The following GALNT13 variants were observed in gnomAD, a reference collection of about 807,000 sequenced individuals.
The protein encoded by GALNT13 is polypeptide N-acetylgalactosaminyltransferase 13.
Under a neutral mutation model 64.2 loss-of-function variants are expected in GALNT13, and 28 were observed. The ratio of observed to expected loss-of-function variants is 0.44; its 90% CI spans 0.32 to 0.60. The LOEUF (loss-of-function observed/expected upper bound fraction) is 0.60. Among genes scored for constraint, GALNT13 ranks in the 20% least tolerant of loss-of-function variants. The pLI, the probability that GALNT13 is intolerant of heterozygous loss-of-function variation, is 0.05. For synonymous variants in GALNT13, 214 were observed against 224.6 expected, an observed-to-expected ratio of 0.95 and a Z score of 0.42; for missense variants, 577 against 669.8, an observed-to-expected ratio of 0.86 and a Z score of 1.53.
chr2:154,297,798 T>C (rs79086926), intron 8 of GALNT13, among the ~76,000 whole-genome samples: 8,255 of 152,260 alleles, frequency 0.054, 535 homozygotes, highest in Admixed American at 0.21. Context: ...TAGTTTTATT[T>C]AGTTATTTAT....
the GALNT13 span, among the ~76,000 whole-genome samples, chr2:153,585,293 AAAGCCTCAAC>A: frequency 0.012 from 1,901 of 152,212 alleles, 35 homozygotes; most frequent in African/African-American, 0.043. Flanking sequence ...AATACATTTT[AAAGCCTCAAC>A]AACGGATTTG....
chr2:154,396,211 T>C, intron 10 of GALNT13, 81 bp downstream of exon 10: 1 of 873,872 alleles, frequency 1.1e-6, no homozygotes, highest in Non-Finnish European at 1.6e-6. Context: ...ATTTTTTATG[T>C]TATGAAAATG....
chr2:153,745,172 T>G, the GALNT13 span, among the ~76,000 whole-genome samples: 1 of 152,040 alleles, frequency 6.6e-6, no homozygotes, highest in East Asian at 1.9e-4. Context: ...CTTGGAGAGA[T>G]CACTCAAAAC....
At chr2:154,268,813 T>A (rs1028184135) in intron 8 of GALNT13, among the ~76,000 whole-genome samples, 4 of 152,154 alleles carry the variant, frequency 2.6e-5, no homozygotes, top group African/African-American at 9.6e-5. Context: ...CCAGGACAAC[T>A]GTATTCATTA....
chr2:153,089,651 G>T, the GALNT13 span, among the ~76,000 whole-genome samples: 1 of 151,674 alleles, frequency 6.6e-6, no homozygotes, highest in Non-Finnish European at 1.5e-5. Flanking sequence ...CAAATTTATT[G>T]GAGGCTTTTT....
chr2:153,324,968 T>A, the GALNT13 span, among the ~76,000 whole-genome samples: 1 of 152,148 alleles, frequency 6.6e-6, no homozygotes, highest in Non-Finnish European at 1.5e-5. Flanking sequence ...TCCACCAGGT[T>A]TTGTTATAAG....
At chr2:154,279,295 C>T (rs546353108) in intron 8 of GALNT13, among the ~76,000 whole-genome samples, 12 of 152,068 alleles carry the variant, frequency 7.9e-5, no homozygotes, top group Admixed American at 3.3e-4. Flanking sequence ...AACCTTAATA[C>T]GAGTTCAGGA....
the GALNT13 span, among the ~76,000 whole-genome samples, chr2:153,849,947 G>A: frequency 1.4e-5 from 2 of 147,966 alleles, no homozygotes; most frequent in African/African-American, 5.0e-5. Flanking sequence ...GGATCACGAG[G>A]TCATGAGATC....
the GALNT13 span, among the ~76,000 whole-genome samples, chr2:153,858,226 A>G: frequency 3.3e-5 from 5 of 152,164 alleles, no homozygotes; most frequent in Non-Finnish European, 7.4e-5. Flanking sequence ...AGAAAATGCA[A>G]AGGCCCTAAG....
At chr2:153,080,593 G>T in the GALNT13 span, among the ~76,000 whole-genome samples, 3 of 152,016 alleles carry the variant, frequency 2.0e-5, no homozygotes, top group Admixed American at 2.0e-4. Context: ...CTTGAAAAAA[G>T]ATATATTATC....
chr2:153,898,113 A>G (rs370510697), intron 1 of GALNT13, among the ~76,000 whole-genome samples: 4 of 152,158 alleles, frequency 2.6e-5, no homozygotes, highest in Middle Eastern at 3.4e-3. Context: ...TGGACCCCAT[A>G]TATCTCTGTA....
intron 11 of GALNT13, chr2:154,436,616 G>A (rs1392045322): frequency 1.3e-5 from 2 of 152,150 alleles, no homozygotes; most frequent in South Asian, 2.1e-4. Context: ...TCTCACTTGT[G>A]TAATTAAATA....
intron 1 of GALNT13, among the ~76,000 whole-genome samples, chr2:153,899,216 G>A (rs1444680): frequency 0.055 from 8,351 of 152,144 alleles, 331 homozygotes; most frequent in South Asian, 0.11. Context: ...CAGATATTGC[G>A]GTAAGATGAA....
At chr2:153,980,109 G>A (rs1035516756) in intron 3 of GALNT13, among the ~76,000 whole-genome samples, 4 of 152,160 alleles carry the variant, frequency 2.6e-5, no homozygotes, top group African/African-American at 9.7e-5. Context: ...CAAGGCCCTA[G>A]GCAAGGAGGA....
chr2:154,153,937 A>C (rs1328255413), intron 4 of GALNT13, among the ~76,000 whole-genome samples: 1 of 152,182 alleles, frequency 6.6e-6, no homozygotes, highest in Non-Finnish European at 1.5e-5. Context: ...CGCTGCACCC[A>C]CTGTCCTGCG....
At chr2:153,230,220 G>T in the GALNT13 span, among the ~76,000 whole-genome samples, 19 of 152,232 alleles carry the variant, frequency 1.2e-4, no homozygotes, top group East Asian at 3.3e-3. Context: ...CAAGAACTCC[G>T]TTGGAATTTG....
At chr2:153,823,231 A>G in the GALNT13 span, among the ~76,000 whole-genome samples, 2 of 152,230 alleles carry the variant, frequency 1.3e-5, no homozygotes, top group Non-Finnish European at 2.9e-5. Flanking sequence ...AGCTATTCCT[A>G]TCAAGCTACC....
At chr2:153,355,793 G>A in the GALNT13 span, among the ~76,000 whole-genome samples, 1 of 152,134 alleles carries the variant, frequency 6.6e-6, no homozygotes, top group African/African-American at 2.4e-5. Flanking sequence ...CAAATGAGGG[G>A]ACTCATCCAG....
chr2:154,044,874 A>G (rs1373936480), intron 3 of GALNT13, among the ~76,000 whole-genome samples: 1 of 152,202 alleles, frequency 6.6e-6, no homozygotes, highest in East Asian at 1.9e-4. Context: ...GATACACAGG[A>G]TGAGATATCT....
Sources: allele counts gnomAD v4.1 joint callset (sites outside exome capture counted in the v4.1 genomes callset), GRCh38; gene constraint gnomAD v4.1.1; transcripts MANE v1.5; gene names NCBI Gene and HGNC (gene_info 2026-07-23, HGNC 2026-07-21).